Variants in FAM120B observed in about 807,000 individuals in gnomAD.
FAM120B encodes the protein constitutive coactivator of peroxisome proliferator-activated receptor gamma.
In FAM120B, 83 loss-of-function variants were observed where a neutral mutation model predicts 96.3. The ratio of observed to expected loss-of-function variants is 0.86; its 90% CI spans 0.72 to 1.03. FAM120B has a LOEUF of 1.03. Among genes scored for constraint, FAM120B ranks in the 50% least tolerant of loss-of-function variants. The pLI is 0.00. For synonymous variants in FAM120B, 407 were observed against 402.7 expected, an observed-to-expected ratio of 1.01 and a Z score of -0.13; for missense variants, 1,027 against 1,121.2, an observed-to-expected ratio of 0.92 and a Z score of 1.20.
rs1255232111 is a variant in FAM120B at position 170,323,223 on chromosome 6, C to T, written c.1879C>T (p.Gln627Ter). Residue 627 changes from glutamine to a stop codon, truncating the protein, a stop_gained, in exon 3 of 11, where the codon CAG (glutamine) becomes TAG (stop). Coordinates refer to ENST00000476287, the MANE Select transcript of FAM120B (RefSeq NM_032448.3). LOFTEE classifies it high-confidence loss of function. ...SQAFIYRPIR[Q>*]RVYSLLLEDC... Reference sequence around the variant, plus strand: ...GGCCTTCATTTACCGTCCCATTCGACAGCGGGTCTACTCACTCTTACTGGA... The same window carrying T: ...GGCCTTCATTTACCGTCCCATTCGATAGCGGGTCTACTCACTCTTACTGGA... The T allele has an allele frequency of 1.2e-6, 2 of 1,614,064 alleles. No individual in the cohort carries two copies. Among genetic ancestry groups the T allele is most frequent in the Non-Finnish European group, 1.7e-6 (2 of 1,179,966 alleles).
chr6:170,339,415 A>G lies in FAM120B; in HGVS notation c.2018-8736A>G, dbSNP rs569770230. Among the ~76,000 whole-genome samples the G allele has an allele frequency of 2.1e-4, 32 of 152,224 alleles. 1 individual carries two copies. The South Asian group carries it at 5.8e-3, about 28-fold the overall frequency. ...CCATTCTAGAAATTTGAAGTATGTAACTTGAAATCCTTAATAAAATTTGGA... is the reference window on the plus strand; with the variant it reads ...CCATTCTAGAAATTTGAAGTATGTAGCTTGAAATCCTTAATAAAATTTGGA... On this transcript the variant is annotated intron_variant, in intron 4 of 10. Transcript: ENST00000476287.
chr6:170,341,346 C>T (rs185057777), intron 4 of FAM120B, among the ~76,000 whole-genome samples: 1 of 152,324 alleles, frequency 6.6e-6, no homozygotes, highest in African/African-American at 2.4e-5. Context: ...GCCCCTCCCC[C>T]CACCAAGCTC....
At chr6:170,325,519 T>C (rs1279985222) in intron 3 of FAM120B, among the ~76,000 whole-genome samples, 1 of 148,538 alleles carries the variant, frequency 6.7e-6, no homozygotes, top group African/African-American at 2.5e-5. Context: ...CTCATTTGGA[T>C]TATTAGATTT....
chr6:170,365,874 A>G (rs1257755495), intron 6 of FAM120B, among the ~76,000 whole-genome samples: 1 of 152,140 alleles, frequency 6.6e-6, no homozygotes, highest in East Asian at 1.9e-4. Flanking sequence ...AGTTGGTGCA[A>G]GTGTTTATCC....
At chr6:170,299,873 A>G (rs1784104691) in intron 1 of FAM120B, among the ~76,000 whole-genome samples, 1 of 152,148 alleles carries the variant, frequency 6.6e-6, no homozygotes, top group Non-Finnish European at 1.5e-5. Flanking sequence ...CCTGTCAGTC[A>G]CTCCATTTCC....
chr6:170,375,433 G>T (rs752806407), intron 6 of FAM120B, among the ~76,000 whole-genome samples: 1 of 152,184 alleles, frequency 6.6e-6, no homozygotes, highest in African/African-American at 2.4e-5. Context: ...TACAAAGGAC[G>T]TATGTTGAGT....
At chr6:170,388,204 G>C in intron 6 of FAM120B, 83 bp from the exon 7 acceptor site, 2 of 1,178,700 alleles carry the variant, frequency 1.7e-6, no homozygotes, top group South Asian at 2.5e-5. Flanking sequence ...GTTCTGAGCA[G>C]AGTAACTTTG....
At chr6:170,313,003 G>A (rs1410362450) in intron 1 of FAM120B, among the ~76,000 whole-genome samples, 1 of 152,188 alleles carries the variant, frequency 6.6e-6, no homozygotes, top group African/African-American at 2.4e-5. Context: ...TGGTAGAGAG[G>A]AGGGCTCAAG....
At chr6:170,380,798 G>A (rs529079955) in intron 6 of FAM120B, among the ~76,000 whole-genome samples, 177 of 152,342 alleles carry the variant, frequency 1.2e-3, no homozygotes, top group Non-Finnish European at 2.0e-3. Context: ...TCCATAGACT[G>A]CCTTTTCATT....
chr6:170,297,067 A>C (rs1484906318), intron 1 of FAM120B, among the ~76,000 whole-genome samples: 1 of 152,190 alleles, frequency 6.6e-6, no homozygotes, highest in Non-Finnish European at 1.5e-5. Context: ...TTCAAGGCCC[A>C]GAGCTCAGAG....
intron 1 of FAM120B, among the ~76,000 whole-genome samples, chr6:170,313,887 C>G (rs1430059815): frequency 6.6e-6 from 1 of 152,210 alleles, no homozygotes; most frequent in African/African-American, 2.4e-5. Context: ...AGGCTGCTGT[C>G]CGTGTGGGGA....
At chr6:170,353,438 A>G (rs889195710) in intron 5 of FAM120B, among the ~76,000 whole-genome samples, 3 of 152,230 alleles carry the variant, frequency 2.0e-5, no homozygotes, top group South Asian at 2.1e-4. Context: ...CCTGGTAGAC[A>G]TAGAACAAAG....
At chr6:170,388,199 G>A in intron 6 of FAM120B, 88 bp from the exon 7 acceptor site, 1 of 1,129,822 alleles carries the variant, frequency 8.9e-7, no homozygotes, top group East Asian at 2.5e-5. Flanking sequence ...CATCCGTTCT[G>A]AGCAGAGTAA....
chr6:170,395,518 C>G lies in FAM120B; in HGVS notation c.2631C>G (p.His877Gln). Residue 877 changes from histidine to glutamine, a missense_variant, in exon 9 of 11, where the codon CAC becomes CAG. Physicochemically the swap from His to Gln is conservative, Grantham distance 24 (BLOSUM62 0). Coordinates refer to ENST00000476287, the MANE Select transcript of FAM120B (RefSeq NM_032448.3). Reference sequence around the variant, plus strand: ...GGGGAAGACAGGGCTCCAGCTACCACAGGACGGGCTCTGGGTATAGCCGTT... The same window carrying G: ...GGGGAAGACAGGGCTCCAGCTACCAGAGGACGGGCTCTGGGTATAGCCGTT... The part of the protein sequence containing the change: ...GRWGRQGSSY[H>Q]RTGSGYSRSS... The G allele has an allele frequency of 1.2e-6, 2 of 1,600,350 alleles. No individual in the cohort carries two copies. Among genetic ancestry groups the G allele is most frequent in the Non-Finnish European group, 1.7e-6 (2 of 1,173,590 alleles).
At chr6:170,380,533 G>A (rs1166929356) in intron 6 of FAM120B, among the ~76,000 whole-genome samples, 1 of 152,118 alleles carries the variant, frequency 6.6e-6, no homozygotes, top group South Asian at 2.1e-4. Flanking sequence ...CTTTTTAGAC[G>A]ATAGTCATCC....
At chr6:170,317,227 C>A in intron 1 of FAM120B, 143 bp from the exon 2 acceptor site, 1 of 640,308 alleles carries the variant, frequency 1.6e-6, no homozygotes, top group Non-Finnish European at 2.7e-6. Context: ...ACTCTTAAGG[C>A]TCCTAACCAG....
chr6:170,294,149 G>T (rs1253702033), upstream of FAM120B, among the ~76,000 whole-genome samples: 1 of 152,144 alleles, frequency 6.6e-6, no homozygotes, highest in East Asian at 1.9e-4. This position sits in a 1 kb window ranked among gnomAD's most constrained non-coding sequence, Gnocchi z 7.9. Context: ...CTTAAGCCAG[G>T]GTATGTTAAA....
chr6:170,361,196 GTGTATATATATATATATATA>G (rs1788352271), intron 6 of FAM120B, among the ~76,000 whole-genome samples: 2 of 29,738 alleles, frequency 6.7e-5, no homozygotes, highest in South Asian at 1.4e-3. Flanking sequence ...ATATATATAC[GTGTATATATATATATATATA>G]TATATATATA....
chr6:170,395,533 G>A lies in FAM120B; in HGVS notation c.2646G>A (p.Gly882=). 1.9e-6 allele frequency: 3 copies of A among 1,601,176 alleles called. No homozygotes were observed. The highest frequency in any genetic ancestry group is 2.6e-6 in the Non-Finnish European group (3 of 1,174,022). ...CCAGCTACCACAGGACGGGCTCTGGGTATAGCCGTTCCAGTCAGGGACAGC... is the reference window on the plus strand; with the variant it reads ...CCAGCTACCACAGGACGGGCTCTGGATATAGCCGTTCCAGTCAGGGACAGC... ...QGSSYHRTGS[G]YSRSSQGQPW... is the part of the protein sequence containing the mutation. Residue 882 remains glycine (G), a synonymous_variant, in exon 9 of 11, where the codon GGG becomes GGA. Coordinates refer to ENST00000476287, the MANE Select transcript of FAM120B (RefSeq NM_032448.3).
Sources: allele counts gnomAD v4.1 joint callset (sites outside exome capture counted in the v4.1 genomes callset), GRCh38; gene constraint gnomAD v4.1.1; non-coding constraint Gnocchi (gnomAD v3.1); transcripts MANE v1.5; gene names NCBI Gene and HGNC (gene_info 2026-07-23, HGNC 2026-07-21).